UST: variants seen among roughly 807,000 people sequenced by gnomAD.
UST encodes uronyl 2-sulfotransferase, also known as chondroitin sulfate 2-O-sulfotransferase.
A neutral mutation model predicts 45.6 loss-of-function variants in UST; 21 were observed. The observed-to-expected ratio is 0.46, with a 90% confidence interval of 0.33 to 0.66. UST has a LOEUF of 0.66. Among genes scored for constraint, UST ranks in the 30% least tolerant of loss-of-function variants. The probability of loss-of-function intolerance (pLI) is 0.02; values close to 1 mark genes in which losing one functional copy is unlikely to be tolerated. For missense variants in UST, 463 were observed against 512.4 expected (o/e 0.90, Z 0.93); for synonymous variants, 215 against 200.6 (o/e 1.07, Z -0.61).
chr6:148,961,635 T>A (rs1224196263), intron 4 of UST, among the ~76,000 whole-genome samples: 2 of 152,208 alleles, frequency 1.3e-5, no homozygotes, highest in African/African-American at 4.8e-5. Flanking sequence ...ATGTTAAATA[T>A]TGGCTGAGTA....
chr6:148,822,166 T>C (rs1466377707), intron 1 of UST, among the ~76,000 whole-genome samples: 1 of 152,196 alleles, frequency 6.6e-6, no homozygotes, highest in African/African-American at 2.4e-5. Flanking sequence ...GGAACAGAGA[T>C]AGAAAAATAT....
chr6:148,753,614 G>C (rs1776032854), intron 1 of UST, among the ~76,000 whole-genome samples: 2 of 152,090 alleles, frequency 1.3e-5, no homozygotes, highest in Non-Finnish European at 2.9e-5. Context: ...TTTGTCTACT[G>C]TAAGTAGTGC....
chr6:149,028,458 C>A lies in UST; in HGVS notation c.937+6977C>A, dbSNP rs141056358. Among the ~76,000 whole-genome samples the A allele has an allele frequency of 8.2e-4, 125 of 152,224 alleles. 1 individual carries two copies. Among genetic ancestry groups the A allele is most frequent in the Non-Finnish European group, 1.4e-3 (93 of 68,008 alleles). Reference sequence around the variant, plus strand: ...ACTGGACTGGAGGTTCTCTTTGTAACTTCTAGGTGAAAGAAAGAGGAAAAA... The same window carrying A: ...ACTGGACTGGAGGTTCTCTTTGTAAATTCTAGGTGAAAGAAAGAGGAAAAA... On this transcript the variant is annotated intron_variant, in intron 7 of 7. Transcript: ENST00000367463.
chr6:148,946,533 C>T (rs1364630583), intron 3 of UST, among the ~76,000 whole-genome samples: 3 of 66,364 alleles, frequency 4.5e-5, no homozygotes, highest in South Asian at 5.7e-4. Context: ...AAAAAAAGGC[C>T]GGGTGCGGTG....
At chr6:149,059,742 C>A (rs766751130) in intron 7 of UST, among the ~76,000 whole-genome samples, 21 of 152,188 alleles carry the variant, frequency 1.4e-4, no homozygotes, top group Non-Finnish European at 2.2e-4. Context: ...CCCACCCCCG[C>A]TAGCAATTTC....
At chr6:148,830,475 C>T (rs1380106646) in intron 1 of UST, among the ~76,000 whole-genome samples, 6 of 152,232 alleles carry the variant, frequency 3.9e-5, no homozygotes, top group Middle Eastern at 3.4e-3. Flanking sequence ...CGTTTCCTTT[C>T]GGGAGCACTC....
At chr6:148,836,527 T>G (rs1037089666) in intron 1 of UST, among the ~76,000 whole-genome samples, 10 of 152,238 alleles carry the variant, frequency 6.6e-5, no homozygotes, top group Non-Finnish European at 1.5e-4. Flanking sequence ...CTGAGTCGCC[T>G]TGGGCCAATC....
intron 1 of UST, among the ~76,000 whole-genome samples, chr6:148,768,812 G>A (rs777160460): frequency 6.6e-6 from 1 of 152,240 alleles, no homozygotes; most frequent in African/African-American, 2.4e-5. Flanking sequence ...GGCAGTGGGA[G>A]TGCTTCTGAG....
chr6:148,758,526 C>T (rs1423969621), intron 1 of UST, among the ~76,000 whole-genome samples: 1 of 152,130 alleles, frequency 6.6e-6, no homozygotes, highest in Non-Finnish European at 1.5e-5. Context: ...GAAATAATCA[C>T]AATGCCAGGC....
At chr6:148,791,753 A>T (rs1776852555) in intron 1 of UST, among the ~76,000 whole-genome samples, 1 of 152,180 alleles carries the variant, frequency 6.6e-6, no homozygotes. Context: ...GGGACATGTA[A>T]ATCCAGGAAT....
chr6:148,849,905 A>T (rs1778071999), intron 1 of UST, among the ~76,000 whole-genome samples: 2 of 152,194 alleles, frequency 1.3e-5, no homozygotes, highest in South Asian at 4.1e-4. Context: ...TAATGGTGTT[A>T]TATAGTGTAT....
intron 1 of UST, among the ~76,000 whole-genome samples, chr6:148,860,103 G>A (rs541507395): frequency 1.4e-4 from 21 of 152,238 alleles, no homozygotes; most frequent in African/African-American, 4.3e-4. Flanking sequence ...CCATTTTCAC[G>A]ATATTGATTC....
chr6:149,046,002 C>G (rs1274840666), intron 7 of UST, among the ~76,000 whole-genome samples: 1 of 152,144 alleles, frequency 6.6e-6, no homozygotes, highest in Non-Finnish European at 1.5e-5. Context: ...TTGCTGAATG[C>G]CAGGCATGTG....
At chr6:148,778,793 G>T (rs1776581996) in intron 1 of UST, among the ~76,000 whole-genome samples, 1 of 152,164 alleles carries the variant, frequency 6.6e-6, no homozygotes, top group Non-Finnish European at 1.5e-5. Flanking sequence ...ACTTGCCGAG[G>T]GTTATAAAGC....
chr6:149,054,744 A>G (rs1230388944), intron 7 of UST, among the ~76,000 whole-genome samples: 1 of 152,232 alleles, frequency 6.6e-6, no homozygotes, highest in Admixed American at 6.5e-5. Context: ...TCAGTGGGTC[A>G]GAAATTGTCA....
intron 1 of UST, among the ~76,000 whole-genome samples, chr6:148,824,925 C>T (rs151320571): frequency 0.076 from 10,537 of 138,442 alleles, 458 homozygotes; most frequent in Non-Finnish European, 0.11. Flanking sequence ...TGAGAATATG[C>T]GGTGTTTGGT....
In UST at chr6:149,073,846, T is replaced by G; in HGVS notation, c.951T>G (p.Leu317=). 6.2e-7 allele frequency: 1 copy of G among 1,613,354 alleles called. No individual in the cohort carries two copies. The highest frequency in any genetic ancestry group is 8.5e-7 in the Non-Finnish European group (1 of 1,179,306). Residue 317 remains leucine, a synonymous_variant, in exon 8 of 8, where the codon CTT becomes CTG. Coordinates refer to ENST00000367463, the MANE Select transcript of UST (RefSeq NM_005715.3). ...SIYKDPEHRK[L]GNMTVTVKKT... is the part of the protein sequence containing the mutation. ...GTTCTCTTCCAGAGCACAGGAAGCT[T>G]GGAAACATGACTGTGACGGTGAAGA...
At chr6:148,825,908 G>T (rs1777559641) in intron 1 of UST, among the ~76,000 whole-genome samples, 1 of 152,168 alleles carries the variant, frequency 6.6e-6, no homozygotes, top group East Asian at 1.9e-4. Context: ...TTTGAATTAT[G>T]AGAAGCAGAG....
intron 2 of UST, among the ~76,000 whole-genome samples, chr6:148,918,341 C>T (rs1582897499): frequency 6.6e-6 from 1 of 152,166 alleles, no homozygotes; most frequent in Non-Finnish European, 1.5e-5. Flanking sequence ...GTCTTACATA[C>T]GTAATCAAAA....
Sources: allele counts gnomAD v4.1 joint callset (sites outside exome capture counted in the v4.1 genomes callset), GRCh38; gene constraint gnomAD v4.1.1; transcripts MANE v1.5; gene names NCBI Gene and HGNC (gene_info 2026-07-23, HGNC 2026-07-21).